COLGALT2: variants seen among roughly 807,000 people sequenced by gnomAD.
The protein encoded by COLGALT2 is procollagen galactosyltransferase 2.
Under a neutral mutation model 73.4 loss-of-function variants are expected in COLGALT2, and 49 were observed. The ratio of observed to expected loss-of-function variants is 0.67; its 90% CI spans 0.53 to 0.85. The LOEUF (loss-of-function observed/expected upper bound fraction) is 0.85. Among genes scored for constraint, COLGALT2 ranks in the 40% least tolerant of loss-of-function variants. COLGALT2 has a pLI of 0.00. For synonymous variants in COLGALT2, 295 were observed against 307.6 expected (o/e 0.96, Z 0.43); for missense variants, 722 against 790.2 (o/e 0.91, Z 1.03).
At chr1:183,958,319 C>A (rs1670607623) in intron 6 of COLGALT2, among the ~76,000 whole-genome samples, 1 of 152,152 alleles carries the variant, frequency 6.6e-6, no homozygotes, top group Admixed American at 6.5e-5. Flanking sequence ...CCTGATAAAA[C>A]CCTAATCCTG....
intron 1 of COLGALT2, among the ~76,000 whole-genome samples, chr1:184,015,838 A>G (rs1159727736): frequency 6.6e-6 from 1 of 152,232 alleles, no homozygotes; most frequent in African/African-American, 2.4e-5. Flanking sequence ...ATCTACGTGA[A>G]ACTATAAGGA....
intron 9 of COLGALT2, 29 bp downstream of exon 9, chr1:183,945,403 A>C: frequency 6.2e-7 from 1 of 1,610,284 alleles, no homozygotes; most frequent in Non-Finnish European, 8.5e-7. Context: ...CTCATCATAA[A>C]ACTGCAATCT....
intron 1 of COLGALT2, among the ~76,000 whole-genome samples, chr1:184,026,916 G>C (rs538044403): frequency 1.3e-5 from 2 of 152,184 alleles, no homozygotes; most frequent in South Asian, 4.1e-4. Context: ...AATACTAAAG[G>C]CTTAATGAAC....
chr1:183,971,007 G>A (rs893885698), intron 4 of COLGALT2, among the ~76,000 whole-genome samples: 1 of 152,078 alleles, frequency 6.6e-6, no homozygotes, highest in African/African-American at 2.4e-5. Flanking sequence ...TGATTAGCTT[G>A]GAAAATCCAT....
chr1:183,959,291 T>C (rs1670634180), intron 6 of COLGALT2, among the ~76,000 whole-genome samples: 2 of 152,178 alleles, frequency 1.3e-5, no homozygotes, highest in African/African-American at 4.8e-5. Context: ...GATTCTCAAA[T>C]ATCTGTCTCT....
intron 2 of COLGALT2, among the ~76,000 whole-genome samples, chr1:183,977,478 A>T (rs1015193273): frequency 1.3e-5 from 2 of 151,196 alleles, no homozygotes; most frequent in African/African-American, 4.9e-5. Context: ...CTCAAAAAAA[A>T]AAAAAAAGAA....
chr1:184,036,543 A>G (rs1014918369), intron 1 of COLGALT2, among the ~76,000 whole-genome samples: 1 of 152,110 alleles, frequency 6.6e-6, no homozygotes, highest in African/African-American at 2.4e-5. Context: ...AGGTCCCCCT[A>G]GGAGAGCTAG....
chr1:183,992,879 T>C (rs1023245961), intron 1 of COLGALT2, among the ~76,000 whole-genome samples: 16 of 152,172 alleles, frequency 1.1e-4, no homozygotes, highest in Admixed American at 4.6e-4. Context: ...CTTATCAGAG[T>C]TGTAATTCTA....
chr1:183,950,073 T>C (rs918506118), intron 8 of COLGALT2, among the ~76,000 whole-genome samples: 1 of 152,188 alleles, frequency 6.6e-6, no homozygotes, highest in African/African-American at 2.4e-5. Context: ...CCAAGCCCCA[T>C]GTGATGTTTG....
intron 1 of COLGALT2, among the ~76,000 whole-genome samples, chr1:184,025,730 A>T (rs934200516): frequency 6.6e-6 from 1 of 152,240 alleles, no homozygotes; most frequent in African/African-American, 2.4e-5. Context: ...CAACACTCTT[A>T]GCAAACACCT....
chr1:184,007,807 T>C (rs1318599248), intron 1 of COLGALT2, among the ~76,000 whole-genome samples: 1 of 152,214 alleles, frequency 6.6e-6, no homozygotes, highest in Non-Finnish European at 1.5e-5. Context: ...TCTACCCTAC[T>C]GTTTTTCTTT....
intron 2 of COLGALT2, among the ~76,000 whole-genome samples, chr1:183,977,687 G>T (rs1305060817): frequency 6.6e-6 from 1 of 151,932 alleles, no homozygotes; most frequent in Non-Finnish European, 1.5e-5. Context: ...TACTCAGGAG[G>T]TTGAGTGAGG....
intron 6 of COLGALT2, among the ~76,000 whole-genome samples, chr1:183,959,613 C>T (rs1670642426): frequency 6.6e-6 from 1 of 151,948 alleles, no homozygotes; most frequent in South Asian, 2.1e-4. Context: ...TCCCAATCAC[C>T]ATCATGTCCC....
At chr1:183,956,381 G>T (rs1475679138) in intron 6 of COLGALT2, among the ~76,000 whole-genome samples, 1 of 152,182 alleles carries the variant, frequency 6.6e-6, no homozygotes, top group East Asian at 1.9e-4. Context: ...GCATGTCTTT[G>T]TCTTCCCAAT....
chr1:183,962,890 G>A (rs959995161), intron 6 of COLGALT2, among the ~76,000 whole-genome samples: 1 of 152,164 alleles, frequency 6.6e-6, no homozygotes, highest in Non-Finnish European at 1.5e-5. Flanking sequence ...AAGCCCAAAT[G>A]CCTTCTTATA....
chr1:183,979,971 C>T (rs1312349344), intron 1 of COLGALT2, among the ~76,000 whole-genome samples: 1 of 151,870 alleles, frequency 6.6e-6, no homozygotes, highest in African/African-American at 2.4e-5. Context: ...AATAAAATCC[C>T]CCAAATCCAC....
At chr1:184,024,885 A>T (rs1649286722) in intron 1 of COLGALT2, among the ~76,000 whole-genome samples, 1 of 152,158 alleles carries the variant, frequency 6.6e-6, no homozygotes, top group South Asian at 2.1e-4. Flanking sequence ...GCATGGGAAA[A>T]TGAGGTCTTG....
chr1:183,984,374 C>T (rs1252070195), intron 1 of COLGALT2, among the ~76,000 whole-genome samples: 1 of 152,246 alleles, frequency 6.6e-6, no homozygotes, highest in African/African-American at 2.4e-5. Context: ...CACTGCACTC[C>T]AGCCTGGGTG....
chr1:183,956,420 G>C (rs941147178), intron 6 of COLGALT2, among the ~76,000 whole-genome samples: 1 of 152,136 alleles, frequency 6.6e-6, no homozygotes, highest in Non-Finnish European at 1.5e-5. Flanking sequence ...GGTCCTTTCT[G>C]CTCCACTCCA....
Sources: gnomAD v4.1 joint callset for allele counts (sites outside exome capture counted in the v4.1 genomes callset) on GRCh38, gnomAD v4.1.1 for gene constraint, MANE v1.5 for transcripts, NCBI Gene and HGNC (gene_info 2026-07-23, HGNC 2026-07-21) for gene names.